TTN: variants seen among roughly 807,000 people sequenced by gnomAD.
The protein encoded by TTN is connectin.
Under a neutral mutation model 3,223.0 loss-of-function variants are expected in TTN, and 1,525 were observed. The observed-to-expected ratio is 0.47, with a 90% CI of 0.45 to 0.49. The LOEUF is 0.49. Ranked by LOEUF, TTN falls within the 20% of genes least tolerant of loss-of-function variation. The probability of loss-of-function intolerance (pLI) is 0.00; values close to 1 mark genes in which losing one functional copy is unlikely to be tolerated. For missense variants in TTN, 40,786 were observed against 43,424.0 expected (o/e 0.94, Z 5.40); for synonymous variants, 14,094 against 15,161.0 (o/e 0.93, Z 5.17).
chr2:178,664,266 A>G (rs1368820715), intron 168 of TTN, among the ~76,000 whole-genome samples, 168 bp from the exon 169 acceptor site: 1 of 151,984 alleles, frequency 6.6e-6, no homozygotes, highest in East Asian at 1.9e-4. Flanking sequence ...AACTTCCGGT[A>G]TTTTCTTTTT....
At position 178,680,010 on chromosome 2, in the gene TTN, T is replaced by C; in HGVS notation, c.33464A>G (p.Glu11155Gly). The C allele has an allele frequency of 6.2e-7, 1 of 1,613,218 alleles. No homozygotes were observed. The highest frequency in any genetic ancestry group is 8.5e-7 in the Non-Finnish European group (1 of 1,179,442). The change falls in exon 140 of 363, where the codon GAA becomes GGA. Residue 11155 changes from glutamate to glycine, a missense_variant. Coordinates refer to ENST00000589042, the MANE Select transcript of TTN (RefSeq NM_001267550.2). ...KELEPEEVAF[E>G]EEVVTHVEEY... ...TTCTACATGGGTTACAACTTCCTCTTCAAAGGCAACCTCTTCTGGTTCAAG... is the reference window on the plus strand; with the variant it reads ...TTCTACATGGGTTACAACTTCCTCTCCAAAGGCAACCTCTTCTGGTTCAAG...
At position 178,679,698 on chromosome 2, in the gene TTN, T is replaced by G. The variant is rs1308850389; in HGVS notation, c.33581-16A>C. On this transcript the variant is annotated splice_polypyrimidine_tract_variant and intron_variant, in intron 140 of 362. Coordinates refer to ENST00000589042, the MANE Select transcript of TTN (RefSeq NM_001267550.2). ...ACCTCAGGCACTTTAAAGATATTATTAAGAATGTTGGAAATTTTGCAGGAA... is the reference window on the plus strand; with the variant it reads ...ACCTCAGGCACTTTAAAGATATTATGAAGAATGTTGGAAATTTTGCAGGAA... 2 of 1,594,980 alleles carry G rather than the reference T, an allele frequency of 1.3e-6. No homozygotes were observed. The highest frequency in any genetic ancestry group is 2.2e-5 in the East Asian group (1 of 44,732).
chr2:178,672,541 T>C, intron 153 of TTN, 60 bp from the exon 154 acceptor site: 1 of 1,601,794 alleles, frequency 6.2e-7, no homozygotes, highest in South Asian at 1.1e-5. Context: ...TAGACAAAAA[T>C]CATCAAAAAC....
In TTN at chr2:178,548,974, A is replaced by AGTGACT. The variant is rs1345778171; in HGVS notation, c.92646_92651dup (p.Val30883_Thr30884dup). ...TGTATTCTTCACCTGCTTGTAGATC[A>AGTGACT]GTGACTGTATATCTTGTTTTCACAC... On this transcript the variant is annotated inframe_insertion, in exon 339 of 363. Coordinates refer to ENST00000589042, the MANE Select transcript of TTN (RefSeq NM_001267550.2). The surrounding 1 kb of genome is among the most constrained non-coding windows in gnomAD (Gnocchi z 4.3). 1.2e-6 allele frequency: 2 copies of AGTGACT among 1,613,796 alleles called. No homozygotes were observed. Among genetic ancestry groups the AGTGACT allele is most frequent in the Admixed American group, 3.3e-5 (2 of 59,996 alleles).
chr2:178,683,036 T>A, intron 134 of TTN, 133 bp from the exon 135 acceptor site: 1 of 1,048,658 alleles, frequency 9.5e-7, no homozygotes, highest in South Asian at 1.5e-5. Flanking sequence ...CTGACTGTTC[T>A]TTTTTGGCCA....
rs757718784 is a variant in TTN, at chr2:178,544,306, G to A, written c.95923C>T (p.Leu31975Phe). 6.2e-7 allele frequency: 1 copy of A among 1,613,746 alleles called. No individual in the cohort carries two copies. The change falls in exon 345 of 363, where the codon CTT (leucine) becomes TTT (phenylalanine). Residue 31975 changes from leucine to phenylalanine, a missense_variant. Coordinates refer to ENST00000589042, the MANE Select transcript of TTN (RefSeq NM_001267550.2). The stretch of plus-strand genomic sequence containing the variant: ...AAGGAATATTTCTGGCCCATTTTAA[G>A]GTCTGGCACAGTGAATTCAGTATTT... ...IRNTEFTVPD[L>F]KMGQKYSFRV...
At chr2:178,716,479 T>C (rs780123086) in intron 88 of TTN, among the ~76,000 whole-genome samples, 5 of 152,202 alleles carry the variant, frequency 3.3e-5, no homozygotes, top group Admixed American at 2.0e-4. Context: ...AAAAATACTC[T>C]AATGGACTAG....
At chr2:178,789,866 AGG>A in intron 12 of TTN, 110 bp downstream of exon 12, 1 of 1,414,534 alleles carries the variant, frequency 7.1e-7, no homozygotes, top group Non-Finnish European at 9.8e-7. Flanking sequence ...GTTTTTAGTT[AGG>A]GATTTTAAAA....
rs763823518 is a variant in TTN, at chr2:178,738,207, C to T, written c.14246G>A (p.Arg4749Gln). The change falls in exon 49 of 363, where the codon CGA becomes CAA. Residue 4749 changes from arginine (R) to glutamine (Q), a missense_variant. Physicochemically the swap from Arg to Gln is conservative, Grantham distance 43. Transcript: ENST00000589042. ...AAGGCTGGAGATATACTTTGAAGAT[C>T]GAATAGAACACTTGTCACTCTCATA... is the stretch of plus-strand genomic sequence containing the variant. ...EIYESDKCSI[R>Q]SSKYISSLEI... 14 of 1,613,528 alleles carry T rather than the reference C, an allele frequency of 8.7e-6. No individual in the cohort carries two copies. Among genetic ancestry groups the T allele is most frequent in the Admixed American group, 3.3e-5 (2 of 59,958 alleles).
chr2:178,618,931 A>G lies in TTN; in HGVS notation c.46697-78T>C, dbSNP rs2057820168. 3 of 1,524,740 alleles carry G rather than the reference A, an allele frequency of 2.0e-6. No homozygotes were observed. The Admixed American group carries it at 6.6e-5, about 34-fold the overall frequency. The allele number at this position is 1,524,740 out of a possible 1,614,324, so 94.5% of individuals were successfully genotyped here. On this transcript the variant is annotated intron_variant, in intron 250 of 362. Coordinates refer to ENST00000589042, the MANE Select transcript of TTN (RefSeq NM_001267550.2). ...TACATCATGTTATTATGCATTTATTAGAAAATATTGGTTACATAACCTTGG... is the reference window on the plus strand; with the variant it reads ...TACATCATGTTATTATGCATTTATTGGAAAATATTGGTTACATAACCTTGG...
In TTN at chr2:178,543,609, C is replaced by T. The variant is rs745586010; in HGVS notation, c.96364G>A (p.Val32122Met). The T allele has an allele frequency of 1.1e-5, 18 of 1,604,522 alleles. No individual in the cohort carries two copies. In the South Asian group the frequency reaches 2.0e-4, roughly 18 times the overall value. ...GTGGGAATTTCCCAAGTTATAGTCA[C>T]AGAATCTCTTGATACTTCCTTAACT... ...VKVKEVSRDS[V>M]TITWEIPTID... The change falls in exon 347 of 363, where the codon GTG (valine) becomes ATG (methionine). Residue 32122 changes from valine to methionine, a missense_variant. Transcript: ENST00000589042.
chr2:178,729,227 T>C, intron 64 of TTN, 58 bp from the exon 65 acceptor site: 5 of 1,548,920 alleles, frequency 3.2e-6, no homozygotes, highest in Non-Finnish European at 2.6e-6. Context: ...CTACCCATAA[T>C]GATAAGATTT....
At chr2:178,713,869 G>A in intron 92 of TTN, 28 bp downstream of exon 92, 1 of 1,605,982 alleles carries the variant, frequency 6.2e-7, no homozygotes, top group Non-Finnish European at 8.5e-7. Flanking sequence ...TTATAATGAT[G>A]AAGGAAAAGC....
chr2:178,625,269 T>G lies in TTN; in HGVS notation c.44548+4A>C. Reference sequence around the variant, plus strand: ...CATGTTTTTAAAATAAGCCTTGTAATTACCTTTCACAAAGAGGTTGGCGTG... The same window carrying G: ...CATGTTTTTAAAATAAGCCTTGTAAGTACCTTTCACAAAGAGGTTGGCGTG... On this transcript the variant is annotated splice_donor_region_variant and intron_variant, in intron 241 of 362. Coordinates refer to ENST00000589042, the MANE Select transcript of TTN (RefSeq NM_001267550.2). 6.2e-7 allele frequency: 1 copy of G among 1,604,786 alleles called. No homozygotes were observed. The highest frequency in any genetic ancestry group is 8.5e-7 in the Non-Finnish European group (1 of 1,175,898).
Position 178,568,181 on chromosome 2 carries a change from G to A in TTN, c.77951C>T (p.Ala25984Val). 1 of 1,613,438 alleles carries A rather than the reference G, an allele frequency of 6.2e-7. No homozygotes were observed. Among genetic ancestry groups the A allele is most frequent in the Non-Finnish European group, 8.5e-7 (1 of 1,179,550 alleles). Residue 25984 changes from alanine to valine, a missense_variant, in exon 326 of 363, where the codon GCT (alanine) becomes GTT (valine). Physicochemically the swap from Ala to Val is moderately conservative, Grantham distance 64 (BLOSUM62 0). Coordinates refer to ENST00000589042, the MANE Select transcript of TTN (RefSeq NM_001267550.2). ...SFALESDPIVAQYPYKEPGPP... is the reference protein window; with the variant it reads ...SFALESDPIVVQYPYKEPGPP... Reference sequence around the variant, plus strand: ...GCCTGGTTCTTTGTAGGGATATTGAGCTACAATTGGATCAGACTCTAAGGC... The same window carrying A: ...GCCTGGTTCTTTGTAGGGATATTGAACTACAATTGGATCAGACTCTAAGGC...
In TTN at chr2:178,619,726, C is replaced by G. The variant is rs761815745; in HGVS notation, c.46591G>C (p.Gly15531Arg). The G allele has an allele frequency of 6.2e-7, 1 of 1,612,246 alleles. No homozygotes were observed. Among genetic ancestry groups the G allele is most frequent in the African/African-American group, 1.3e-5 (1 of 74,766 alleles). The change falls in exon 250 of 363, where the codon GGA becomes CGA. Residue 15531 changes from glycine (G) to arginine (R), a missense_variant. Transcript: ENST00000589042. ...QGDKHQMMSEGKIHRLQICDI... is the reference protein window; with the variant it reads ...QGDKHQMMSERKIHRLQICDI... Reference sequence around the variant, plus strand: ...CAAATCTGTAGTCGATGTATCTTTCCTTCACTCATCATCTGGTGTTTATCA... The same window carrying G: ...CAAATCTGTAGTCGATGTATCTTTCGTTCACTCATCATCTGGTGTTTATCA...
At position 178,756,647 on chromosome 2, in the gene TTN, A is replaced by G; in HGVS notation, c.10829T>C (p.Val3610Ala). The G allele has an allele frequency of 1.2e-6, 2 of 1,613,810 alleles. No homozygotes were observed. The highest frequency in any genetic ancestry group is 1.7e-6 in the Non-Finnish European group (2 of 1,179,810). Residue 3610 changes from valine (V) to alanine (A), a missense_variant, in exon 46 of 363, where the codon GTG becomes GCG. Physicochemically the swap from Val to Ala is moderately conservative, Grantham distance 64. Coordinates refer to ENST00000589042, the MANE Select transcript of TTN (RefSeq NM_001267550.2). ...SFQGSSYEYE[V>A]QVFESVSQSS... ...TTGAGATACACTTTCAAAAACCTGC[A>G]CTTCATATTCATATGATGATCCTTG...
Position 178,775,789 on chromosome 2 carries a change from T to G in TTN, c.6075A>C (p.Glu2025Asp), listed in dbSNP as rs778940741. ...TCTTCCTGAGGAGTTCCTCATAGGA[T>G]TCATCCTTCTTTCGAGACTTGAGCT... is the stretch of plus-strand genomic sequence containing the variant. ...AVELKSRKKDESYEELLRKTK... is the reference protein window; with the variant it reads ...AVELKSRKKDDSYEELLRKTK... Residue 2025 changes from glutamate to aspartate, a missense_variant, in exon 28 of 363, where the codon GAA becomes GAC. Glu to Asp is a conservative substitution (Grantham distance 45). Coordinates refer to ENST00000589042, the MANE Select transcript of TTN (RefSeq NM_001267550.2). 1.2e-6 allele frequency: 2 copies of G among 1,613,588 alleles called. No homozygotes were observed. Among genetic ancestry groups the G allele is most frequent in the South Asian group, 2.2e-5 (2 of 91,032 alleles).
In TTN at chr2:178,551,847, A is replaced by G. The variant is rs769390930; in HGVS notation, c.91053T>C (p.Asp30351=). The G allele has an allele frequency of 8.1e-6, 13 of 1,613,904 alleles. No individual in the cohort carries two copies. The highest frequency in any genetic ancestry group is 5.0e-5 in the Admixed American group (3 of 60,008). ...MSLTWDAPVY[D]GGSEVTGFHV... The stretch of plus-strand genomic sequence containing the variant: ...GGAATCCAGTAACTTCTGAACCACC[A>G]TCATAAACTGGAGCATCCCAAGTTA... The change falls in exon 335 of 363, where the codon GAT becomes GAC. Residue 30351 remains aspartate, a synonymous_variant. Transcript: ENST00000589042.
Sources: allele counts gnomAD v4.1 joint callset (sites outside exome capture counted in the v4.1 genomes callset), GRCh38; gene constraint gnomAD v4.1.1; non-coding constraint Gnocchi (gnomAD v3.1); transcripts MANE v1.5; gene names NCBI Gene and HGNC (gene_info 2026-07-23, HGNC 2026-07-21).